CELF4: variants seen among roughly 807,000 people sequenced by gnomAD.
CELF4 encodes CUG-BP- and ETR-3-like factor 4.
In CELF4, 18 loss-of-function variants were observed where a neutral mutation model predicts 59.9. The ratio of observed to expected loss-of-function variants is 0.30; its 90% CI spans 0.21 to 0.45. CELF4 has a LOEUF of 0.45. Ranked by LOEUF, CELF4 falls within the 20% of genes least tolerant of loss-of-function variation. The probability of loss-of-function intolerance (pLI) is 1.00; values close to 1 mark genes in which losing one functional copy is unlikely to be tolerated. For synonymous variants in CELF4, 261 were observed against 267.1 expected (o/e 0.98, Z 0.22); for missense variants, 456 against 689.0 (o/e 0.66, Z 3.79).
intron 2 of CELF4, among the ~76,000 whole-genome samples, chr18:37,378,930 C>T (rs377113906): frequency 5.9e-4 from 90 of 152,218 alleles, no homozygotes; most frequent in Non-Finnish European, 1.2e-3. Flanking sequence ...TATCAACCAG[C>T]CTTTTGTTCT....
At position 37,319,552 on chromosome 18, in the gene CELF4, G is replaced by A. The variant is rs537527980; in HGVS notation, c.448+2251C>T. 2.6e-5 allele frequency among the ~76,000 whole-genome samples: 4 copies of A among 152,314 alleles called. No homozygotes were observed. In the East Asian group the frequency reaches 5.8e-4, roughly 22 times the overall value. ...CCTAAGTCAGTGCCCTGCTGGGGCT[G>A]GAGGGCAGAGGCCTGACTGAGGGGA... On this transcript the variant is annotated intron_variant, in intron 3 of 12. Transcript: ENST00000420428.
chr18:37,296,976 A>C (rs1382256430), intron 3 of CELF4, among the ~76,000 whole-genome samples: 8 of 152,122 alleles, frequency 5.3e-5, no homozygotes, highest in African/African-American at 1.4e-4. Context: ...AACACACCAG[A>C]CTGAGGCCAG....
At chr18:37,272,963 G>A in intron 7 of CELF4, 53 bp downstream of exon 7, 1 of 1,545,934 alleles carries the variant, frequency 6.5e-7, no homozygotes, top group Non-Finnish European at 8.8e-7. Flanking sequence ...CCCAGCCTGG[G>A]GCCAGCTGTT....
At chr18:37,365,325 C>G (rs889938138) in intron 2 of CELF4, among the ~76,000 whole-genome samples, 8 of 152,050 alleles carry the variant, frequency 5.3e-5, no homozygotes, top group Admixed American at 4.6e-4. Context: ...ACCCTTCTAC[C>G]AAGCCCGATG....
intron 1 of CELF4, among the ~76,000 whole-genome samples, chr18:37,553,718 C>T (rs182333112): frequency 2.0e-5 from 3 of 152,196 alleles, no homozygotes; most frequent in East Asian, 3.9e-4. Context: ...AGGGAAATGA[C>T]GTGGAGAGTC....
intron 2 of CELF4, among the ~76,000 whole-genome samples, chr18:37,470,881 T>TGAGAGAGAGAGA (rs1569569555): frequency 1.2e-5 from 1 of 80,882 alleles, no homozygotes; most frequent in Non-Finnish European, 2.6e-5. Context: ...TGTGTGTGTG[T>TGAGAGAGAGAGA]GTGTGTGACA....
At chr18:37,508,765 T>G (rs2099941024) in intron 1 of CELF4, among the ~76,000 whole-genome samples, 1 of 152,336 alleles carries the variant, frequency 6.6e-6, no homozygotes, top group Middle Eastern at 3.4e-3. Flanking sequence ...ACCATTCCTT[T>G]CTAGCTGGGG....
intron 1 of CELF4, among the ~76,000 whole-genome samples, chr18:37,511,335 C>A (rs1445210157): frequency 1.3e-5 from 2 of 152,130 alleles, no homozygotes; most frequent in Non-Finnish European, 2.9e-5. Flanking sequence ...AGCCAAGCTT[C>A]CTGGGGCACG....
intron 2 of CELF4, among the ~76,000 whole-genome samples, chr18:37,449,894 C>A (rs2099758308): frequency 6.6e-6 from 1 of 152,202 alleles, no homozygotes; most frequent in Non-Finnish European, 1.5e-5. Flanking sequence ...GGCTACCACC[C>A]CCTGCCCACC....
chr18:37,556,330 T>G (rs538577098), intron 1 of CELF4, among the ~76,000 whole-genome samples: 1 of 152,354 alleles, frequency 6.6e-6, no homozygotes, highest in East Asian at 1.9e-4. Context: ...TGGCAACAGT[T>G]AATTCAGCTC....
intron 2 of CELF4, among the ~76,000 whole-genome samples, chr18:37,387,709 C>T (rs558915163): frequency 3.9e-5 from 6 of 152,208 alleles, no homozygotes; most frequent in Admixed American, 6.5e-5. Flanking sequence ...AGCCCTTCTG[C>T]GGGTGGGACT....
At chr18:37,315,760 C>T (rs1484078645) in intron 3 of CELF4, among the ~76,000 whole-genome samples, 1 of 152,180 alleles carries the variant, frequency 6.6e-6, no homozygotes, top group African/African-American at 2.4e-5. Flanking sequence ...CACGCATCTG[C>T]AGTCTGCTAT....
chr18:37,491,595 A>G (rs963045712), intron 1 of CELF4, among the ~76,000 whole-genome samples: 2 of 152,032 alleles, frequency 1.3e-5, no homozygotes, highest in African/African-American at 4.8e-5. Context: ...AAAGAGATCC[A>G]AGATTGGGGC....
chr18:37,423,064 GCACACA>G (rs10654318), intron 2 of CELF4, among the ~76,000 whole-genome samples: 5 of 150,414 alleles, frequency 3.3e-5, no homozygotes, highest in African/African-American at 1.2e-4. Flanking sequence ...GCGCGCGCGC[GCACACA>G]CACACACACA....
intron 1 of CELF4, among the ~76,000 whole-genome samples, chr18:37,503,794 A>G (rs1273567234): frequency 2.0e-5 from 3 of 152,160 alleles, no homozygotes; most frequent in Non-Finnish European, 4.4e-5. Context: ...GGCAGCAGGG[A>G]GTACTGAGAG....
chr18:37,480,631 T>C (rs1212879397), intron 2 of CELF4, among the ~76,000 whole-genome samples: 1 of 152,184 alleles, frequency 6.6e-6, no homozygotes, highest in Non-Finnish European at 1.5e-5. Flanking sequence ...GGGAGGGAGA[T>C]GGGCCTTGCC....
rs190338179 is a variant in CELF4 at position 37,278,986 on chromosome 18, C to T, written c.449-3743G>A. Among the ~76,000 whole-genome samples the T allele has an allele frequency of 2.2e-3, 331 of 152,302 alleles. 1 individual carries two copies. The highest frequency in any genetic ancestry group is 0.018 in the Admixed American group (271 of 15,300). ...GGTGTCTTGGGTCTGATGCCAGTTT[C>T]GCAAGAGTCTTGGAGAATGACTCTG... On this transcript the variant is annotated intron_variant, in intron 3 of 12. Transcript: ENST00000420428.
At chr18:37,336,320 G>T (rs1294353783) in intron 2 of CELF4, among the ~76,000 whole-genome samples, 1 of 152,142 alleles carries the variant, frequency 6.6e-6, no homozygotes, top group Admixed American at 6.5e-5. Flanking sequence ...AGTAGCTGGG[G>T]CTATAGGCAT....
Position 37,498,632 on chromosome 18 carries a change from A to G in CELF4, c.287-13025T>C, listed in dbSNP as rs142635966. On this transcript the variant is annotated intron_variant, in intron 1 of 12. Coordinates refer to ENST00000420428, the MANE Select transcript of CELF4 (RefSeq NM_020180.4). ...TCCCCCGACCATCCCAGGCTGCAGC[A>G]TTTTTCCCATCCCTACACAGTGGTA... is the stretch of plus-strand genomic sequence containing the variant. Among the ~76,000 whole-genome samples, 738 of 151,478 alleles carry G rather than the reference A, an allele frequency of 4.9e-3. 7 individuals carry two copies. The highest frequency in any genetic ancestry group is 0.017 in the African/African-American group (699 of 41,188).
Sources: allele counts gnomAD v4.1 joint callset (sites outside exome capture counted in the v4.1 genomes callset), GRCh38; gene constraint gnomAD v4.1.1; transcripts MANE v1.5; gene names NCBI Gene and HGNC (gene_info 2026-07-23, HGNC 2026-07-21).